The following SAMD3 variants were observed in gnomAD, a reference collection of about 807,000 sequenced individuals.
SAMD3 encodes sterile alpha motif domain containing 3, also known as sterile alpha motif domain-containing protein 3.
Under a neutral mutation model 58.5 loss-of-function variants are expected in SAMD3, and 63 were observed. The ratio of observed to expected loss-of-function variants is 1.08; its 90% CI spans 0.88 to 1.33. The LOEUF is 1.33. Among genes scored for constraint, SAMD3 ranks in the 40% most tolerant of loss-of-function variants. The pLI, the probability that SAMD3 is intolerant of heterozygous loss-of-function variation, is 0.00. For synonymous variants in SAMD3, 220 were observed against 210.3 expected (o/e 1.05, Z -0.40); for missense variants, 604 against 608.4 (o/e 0.99, Z 0.08).
At chr6:130,279,016 A>ATTTAATTCT (rs1326115456) in intron 2 of SAMD3, among the ~76,000 whole-genome samples, 4 of 152,206 alleles carry the variant, frequency 2.6e-5, no homozygotes, top group Non-Finnish European at 4.4e-5. Context: ...TTGGATCTGA[A>ATTTAATTCT]TTTAATTCTC....
At chr6:130,345,686 T>C (rs973814847) in intron 1 of SAMD3, among the ~76,000 whole-genome samples, 2 of 151,604 alleles carry the variant, frequency 1.3e-5, no homozygotes, top group African/African-American at 4.8e-5. Flanking sequence ...AATGAGTAAA[T>C]ACAGACACTG....
At chr6:130,322,629 G>C (rs1776624754) in intron 1 of SAMD3, among the ~76,000 whole-genome samples, 1 of 152,154 alleles carries the variant, frequency 6.6e-6, no homozygotes, top group East Asian at 1.9e-4. Context: ...GAGTGAGTGA[G>C]ACTGTCTCAA....
intron 5 of SAMD3, among the ~76,000 whole-genome samples, chr6:130,199,345 G>A (rs1794431576): frequency 6.6e-6 from 1 of 152,190 alleles, no homozygotes; most frequent in Non-Finnish European, 1.5e-5. Context: ...TATAGATTGG[G>A]ATACCCAGGT....
At chr6:130,281,888 T>TTTGG (rs375609857) in intron 2 of SAMD3, among the ~76,000 whole-genome samples, 48,120 of 151,808 alleles carry the variant, frequency 0.32, 7,832 homozygotes, top group East Asian at 0.47. Context: ...ACTCCTTGAC[T>TTTGG]CCTTAACATT....
At chr6:130,230,614 C>T (rs1796518036) in intron 2 of SAMD3, among the ~76,000 whole-genome samples, 1 of 152,132 alleles carries the variant, frequency 6.6e-6, no homozygotes, top group Non-Finnish European at 1.5e-5. Flanking sequence ...TCTTGAACTC[C>T]TGACCTCAGG....
chr6:130,347,039 C>G (rs538438659), intron 1 of SAMD3, among the ~76,000 whole-genome samples: 3 of 152,288 alleles, frequency 2.0e-5, no homozygotes, highest in African/African-American at 7.2e-5. Flanking sequence ...AGAAGGAAAA[C>G]TAATAAACAG....
chr6:130,215,049 A>G (rs1290776259), intron 3 of SAMD3, 146 bp downstream of exon 3: 1 of 484,554 alleles, frequency 2.1e-6, no homozygotes, highest in Non-Finnish European at 3.7e-6. Flanking sequence ...GTCCATAAAG[A>G]AATGAAAAGT....
intron 8 of SAMD3, chr6:130,159,909 A>G (rs528794719): frequency 6.6e-6 from 1 of 152,338 alleles, no homozygotes; most frequent in South Asian, 2.1e-4. Context: ...ACCCTCATAC[A>G]TAACTAAAAT....
At chr6:130,233,551 A>G (rs1796603600) in intron 2 of SAMD3, among the ~76,000 whole-genome samples, 1 of 152,234 alleles carries the variant, frequency 6.6e-6, no homozygotes, top group South Asian at 2.1e-4. Flanking sequence ...AGAGGAAAAA[A>G]TGTCAAGCAT....
At chr6:130,348,470 A>G (rs1777533382) in intron 1 of SAMD3, among the ~76,000 whole-genome samples, 1 of 152,344 alleles carries the variant, frequency 6.6e-6, no homozygotes, top group Non-Finnish European at 1.5e-5. Flanking sequence ...AAAGATCAAA[A>G]GAGACAAAGA....
chr6:130,347,679 C>T (rs995330198), intron 1 of SAMD3, among the ~76,000 whole-genome samples: 4 of 151,948 alleles, frequency 2.6e-5, no homozygotes, highest in African/African-American at 9.7e-5. Flanking sequence ...GAGAACTTCC[C>T]CAATCTAGTA....
At chr6:130,187,664 A>T (rs1190645377) in intron 5 of SAMD3, among the ~76,000 whole-genome samples, 1 of 142,956 alleles carries the variant, frequency 7.0e-6, no homozygotes, top group Non-Finnish European at 1.6e-5. Flanking sequence ...GCATTGGATT[A>T]AAAAAAGCTT....
At chr6:130,322,985 A>G (rs1776635847) in intron 1 of SAMD3, among the ~76,000 whole-genome samples, 1 of 152,218 alleles carries the variant, frequency 6.6e-6, no homozygotes, top group Non-Finnish European at 1.5e-5. Context: ...TGTTCATGGA[A>G]TAATAGATGG....
At chr6:130,158,580 A>G (rs542626524) in intron 8 of SAMD3, among the ~76,000 whole-genome samples, 91 of 152,376 alleles carry the variant, frequency 6.0e-4, no homozygotes, top group African/African-American at 2.1e-3. Flanking sequence ...TATCACTTCA[A>G]GGTAAGAAAG....
intron 2 of SAMD3, among the ~76,000 whole-genome samples, chr6:130,258,080 A>G (rs1316233228): frequency 6.6e-6 from 1 of 152,132 alleles, no homozygotes; most frequent in African/African-American, 2.4e-5. Flanking sequence ...ATAAATATAT[A>G]ACTATTTATT....
chr6:130,154,594 T>C (rs912244913), intron 9 of SAMD3, among the ~76,000 whole-genome samples: 2 of 150,380 alleles, frequency 1.3e-5, no homozygotes, highest in African/African-American at 4.9e-5. Context: ...CTCAGGAGGC[T>C]GAGGCAGGAG....
chr6:130,272,514 G>C lies in SAMD3; in HGVS notation c.-188+40464C>G, dbSNP rs112997217. ...TACTTCTGATGTATATAAACAATGAGGAAATAATTAGAGAGCCAGGAATAC... is the reference window on the plus strand; with the variant it reads ...TACTTCTGATGTATATAAACAATGACGAAATAATTAGAGAGCCAGGAATAC... On this transcript the variant is annotated intron_variant, in intron 2 of 13. Coordinates refer to the SAMD3 transcript ENST00000368134. 8.2e-3 allele frequency among the ~76,000 whole-genome samples: 1,241 copies of C among 152,124 alleles called. 18 individuals carry two copies. Among genetic ancestry groups the C allele is most frequent in the African/African-American group, 0.029 (1,184 of 41,516 alleles).
chr6:130,270,666 T>A (rs1465987861), intron 2 of SAMD3, among the ~76,000 whole-genome samples: 1 of 152,232 alleles, frequency 6.6e-6, no homozygotes, highest in Admixed American at 6.5e-5. Context: ...AATATTTTCA[T>A]GTGGCCTGCA....
chr6:130,359,696 T>C (rs1186224602), intron 1 of SAMD3, among the ~76,000 whole-genome samples: 3 of 152,244 alleles, frequency 2.0e-5, no homozygotes, highest in South Asian at 2.1e-4. Flanking sequence ...CTCATTTCTA[T>C]ACAGCCCAAC....
Sources: gnomAD v4.1 joint callset for allele counts (sites outside exome capture counted in the v4.1 genomes callset) on GRCh38, gnomAD v4.1.1 for gene constraint, MANE v1.5 for transcripts, NCBI Gene and HGNC (gene_info 2026-07-23, HGNC 2026-07-21) for gene names.